Variants in MEIS1 observed in about 807,000 individuals in gnomAD.
The protein encoded by MEIS1 is homeobox protein Meis1.
In MEIS1, 5 loss-of-function variants were observed where a neutral mutation model predicts 50.8. The observed-to-expected ratio is 0.10, with a 90% confidence interval of 0.05 to 0.21. MEIS1 has a LOEUF of 0.21. MEIS1 is among the 10% of genes least tolerant of loss of function. The pLI, the probability that MEIS1 is intolerant of heterozygous loss-of-function variation, is 1.00. For synonymous variants in MEIS1, 176 were observed against 179.3 expected (o/e 0.98, Z 0.15); for missense variants, 318 against 517.3 (o/e 0.61, Z 3.74).
At position 66,548,598 on chromosome 2, in the gene MEIS1, G is replaced by A. The variant is rs116623689; in HGVS notation, c.965+579G>A. 9.2e-3 allele frequency among the ~76,000 whole-genome samples: 1,400 copies of A among 152,214 alleles called. 17 individuals carry two copies. Among genetic ancestry groups the A allele is most frequent in the African/African-American group, 0.032 (1,332 of 41,528 alleles). Reference sequence around the variant, plus strand: ...AAAGTGTAAATTCCTGATTTGGGGCGAAGCTGAGATTATGTACCAAGTACC... The same window carrying A: ...AAAGTGTAAATTCCTGATTTGGGGCAAAGCTGAGATTATGTACCAAGTACC... On this transcript the variant is annotated intron_variant, in intron 9 of 12. Coordinates refer to ENST00000272369, the MANE Select transcript of MEIS1 (RefSeq NM_002398.3).
chr2:66,522,965 C>G (rs1456355177), intron 8 of MEIS1, among the ~76,000 whole-genome samples: 2 of 152,130 alleles, frequency 1.3e-5, no homozygotes, highest in Non-Finnish European at 2.9e-5. Flanking sequence ...ATCTAATTTA[C>G]CACCCTTTGC....
At chr2:66,533,450 C>T (rs1391538403) in intron 8 of MEIS1, among the ~76,000 whole-genome samples, 1 of 152,144 alleles carries the variant, frequency 6.6e-6, no homozygotes. Flanking sequence ...ATTGAAGTGT[C>T]CTTACTCATC....
At chr2:66,542,337 C>G (rs1674675907) in intron 8 of MEIS1, among the ~76,000 whole-genome samples, 1 of 151,770 alleles carries the variant, frequency 6.6e-6, no homozygotes, top group South Asian at 2.1e-4. Flanking sequence ...GAGTTTAGCT[C>G]AAGGTCAACT....
chr2:66,525,835 G>A (rs1215114012), intron 8 of MEIS1, among the ~76,000 whole-genome samples: 1 of 152,250 alleles, frequency 6.6e-6, no homozygotes, highest in African/African-American at 2.4e-5. Flanking sequence ...AATATGCAGC[G>A]ACGGAAGTTA....
At chr2:66,523,392 C>G (rs1406682324) in intron 8 of MEIS1, among the ~76,000 whole-genome samples, 6 of 152,140 alleles carry the variant, frequency 3.9e-5, no homozygotes, top group African/African-American at 1.4e-4. Context: ...AAATTACAGA[C>G]AATAATATTT....
At chr2:66,463,866 A>C (rs1051734556) in intron 6 of MEIS1, among the ~76,000 whole-genome samples, 1 of 152,208 alleles carries the variant, frequency 6.6e-6, no homozygotes, top group African/African-American at 2.4e-5. Context: ...TTCCTTAGTA[A>C]TAAAGCATGC....
intron 7 of MEIS1, among the ~76,000 whole-genome samples, chr2:66,475,255 AAAAT>A (rs1432368319): frequency 6.8e-6 from 1 of 146,312 alleles, no homozygotes; most frequent in African/African-American, 2.5e-5. Context: ...TGTTATTTAT[AAAAT>A]AAATATATAA....
chr2:66,533,603 G>A (rs549354190), intron 8 of MEIS1, among the ~76,000 whole-genome samples: 10 of 152,300 alleles, frequency 6.6e-5, no homozygotes, highest in African/African-American at 2.4e-4. Flanking sequence ...AAGAGAAGTT[G>A]TAGCTAAGCA....
intron 9 of MEIS1, among the ~76,000 whole-genome samples, chr2:66,549,076 C>A (rs1166298550): frequency 1.3e-5 from 2 of 152,194 alleles, no homozygotes; most frequent in East Asian, 3.9e-4. Flanking sequence ...GCCTGGGAGC[C>A]TTTGGGAGAG....
At chr2:66,489,843 T>C (rs138191925) in intron 7 of MEIS1, among the ~76,000 whole-genome samples, 1,641 of 152,340 alleles carry the variant, frequency 0.011, 13 homozygotes, top group Non-Finnish European at 0.014. Flanking sequence ...TGAAATCTGC[T>C]AAATTTATTT....
intron 7 of MEIS1, among the ~76,000 whole-genome samples, chr2:66,471,647 A>G (rs1396025428): frequency 6.6e-6 from 1 of 152,242 alleles, no homozygotes; most frequent in African/African-American, 2.4e-5. Flanking sequence ...AAGTATATGA[A>G]TAATGATGTT....
chr2:66,465,646 C>G (rs1195927613), intron 7 of MEIS1, among the ~76,000 whole-genome samples: 1 of 152,116 alleles, frequency 6.6e-6, no homozygotes, highest in Non-Finnish European at 1.5e-5. Context: ...TAGTGTTTGG[C>G]TTGTTTCTTT....
chr2:66,491,018 A>T (rs1022368884), intron 7 of MEIS1, among the ~76,000 whole-genome samples: 1 of 152,080 alleles, frequency 6.6e-6, no homozygotes, highest in African/African-American at 2.4e-5. Flanking sequence ...CTTGCTTTTA[A>T]ATATAGTTTT....
Position 66,437,715 on chromosome 2 carries a change from TTCTC to T in MEIS1, c.13-19_13-16del. ...GCCCGCCTGGCCTCCTGAACCTTCT[TTCTC>T]TCCTGTTTGTCATGCAGTACGACGA... On this transcript the variant is annotated intron_variant, in intron 1 of 12. Coordinates refer to ENST00000272369, the MANE Select transcript of MEIS1 (RefSeq NM_002398.3). 3.7e-6 allele frequency: 6 copies of T among 1,610,552 alleles called. No individual in the cohort carries two copies. Among genetic ancestry groups the T allele is most frequent in the Non-Finnish European group, 5.1e-6 (6 of 1,177,076 alleles).
At chr2:66,490,774 C>G (rs1459421672) in intron 7 of MEIS1, among the ~76,000 whole-genome samples, 4 of 152,068 alleles carry the variant, frequency 2.6e-5, no homozygotes, top group Non-Finnish European at 5.9e-5. Context: ...CATTGTTTGT[C>G]CCCACACTTT....
intron 1 of MEIS1, among the ~76,000 whole-genome samples, 187 bp downstream of exon 1, chr2:66,436,055 T>C (rs1389046073): frequency 1.3e-5 from 2 of 152,122 alleles, no homozygotes; most frequent in East Asian, 3.9e-4. Context: ...TTGGAGTTGT[T>C]AATTAAAGGA....
intron 7 of MEIS1, chr2:66,496,251 G>T (rs1286823750): frequency 6.6e-6 from 1 of 152,212 alleles, no homozygotes; most frequent in Non-Finnish European, 1.5e-5. Flanking sequence ...CCCCTCGGGC[G>T]TGGGGGGCAG....
At chr2:66,518,157 A>G (rs1169989359) in intron 8 of MEIS1, among the ~76,000 whole-genome samples, 2 of 152,130 alleles carry the variant, frequency 1.3e-5, no homozygotes, top group African/African-American at 4.8e-5. Flanking sequence ...GGCATGGGGG[A>G]AAACAATCGA....
At chr2:66,545,983 G>T (rs1378690863) in intron 8 of MEIS1, among the ~76,000 whole-genome samples, 1 of 152,176 alleles carries the variant, frequency 6.6e-6, no homozygotes, top group Non-Finnish European at 1.5e-5. Flanking sequence ...CCATTCCTTT[G>T]TTCCACAAAT....
Sources: allele counts gnomAD v4.1 joint callset (sites outside exome capture counted in the v4.1 genomes callset), GRCh38; gene constraint gnomAD v4.1.1; transcripts MANE v1.5; gene names NCBI Gene and HGNC (gene_info 2026-07-23, HGNC 2026-07-21).